FBXL2: variants seen among roughly 807,000 people sequenced by gnomAD.
FBXL2 encodes F-box and leucine rich repeat protein 2.
A neutral mutation model predicts 69.2 loss-of-function variants in FBXL2; 38 were observed. That is an observed-to-expected ratio of 0.55 (90% CI 0.42 to 0.72). The LOEUF is 0.72. Ranked by LOEUF, FBXL2 falls within the 30% of genes least tolerant of loss-of-function variation. The probability of loss-of-function intolerance (pLI) is 0.00; values close to 1 mark genes in which losing one functional copy is unlikely to be tolerated. For synonymous variants in FBXL2, 192 were observed against 201.3 expected, an observed-to-expected ratio of 0.95 and a Z score of 0.39; for missense variants, 354 against 520.3, an observed-to-expected ratio of 0.68 and a Z score of 3.11.
At chr3:33,329,978 T>C (rs1191658469) in intron 2 of FBXL2, among the ~76,000 whole-genome samples, 1 of 151,832 alleles carries the variant, frequency 6.6e-6, no homozygotes, top group Non-Finnish European at 1.5e-5. Flanking sequence ...CCCTGTTTTT[T>C]GTTTGTTTGT....
chr3:33,369,291 A>C (rs2042144339), intron 5 of FBXL2, among the ~76,000 whole-genome samples: 1 of 151,956 alleles, frequency 6.6e-6, no homozygotes, highest in South Asian at 2.1e-4. Flanking sequence ...ACCTCAAATG[A>C]TCTGCCCACC....
intron 5 of FBXL2, among the ~76,000 whole-genome samples, chr3:33,368,280 CTAA>C (rs1349502233): frequency 2.0e-5 from 3 of 152,176 alleles, no homozygotes; most frequent in Non-Finnish European, 4.4e-5. Flanking sequence ...AATTTATCAA[CTAA>C]TAAAAGGAGT....
At chr3:33,393,207 CAT>C in intron 12 of FBXL2, 1 of 1,175,726 alleles carries the variant, frequency 8.5e-7, no homozygotes, top group Admixed American at 3.0e-5. Context: ...AAATGATTCT[CAT>C]AAGTATTTTC....
chr3:33,298,906 G>C (rs914540619), intron 2 of FBXL2, among the ~76,000 whole-genome samples: 1 of 151,592 alleles, frequency 6.6e-6, no homozygotes, highest in Non-Finnish European at 1.5e-5. Context: ...AGTCCTATAG[G>C]GTTAACAAAA....
At chr3:33,381,632 A>C (rs2043070505) in intron 13 of FBXL2, among the ~76,000 whole-genome samples, 1 of 145,288 alleles carries the variant, frequency 6.9e-6, no homozygotes, top group South Asian at 2.2e-4. Context: ...CTCAAAAAAA[A>C]ATAAATAAAA....
chr3:33,410,505 G>A, the FBXL2 span, among the ~76,000 whole-genome samples: 1 of 152,102 alleles, frequency 6.6e-6, no homozygotes, highest in African/African-American at 2.4e-5. Context: ...GAATAATATT[G>A]GTAGAATACC....
chr3:33,373,964 T>C, intron 9 of FBXL2, 43 bp downstream of exon 9: 1 of 1,601,298 alleles, frequency 6.2e-7, no homozygotes, highest in Non-Finnish European at 8.6e-7. Context: ...CTCTATCTTG[T>C]CTCCCAAAGC....
chr3:33,301,337 A>G (rs1244930916), intron 2 of FBXL2, among the ~76,000 whole-genome samples: 1 of 152,040 alleles, frequency 6.6e-6, no homozygotes, highest in African/African-American at 2.4e-5. Flanking sequence ...AGTCCAGATC[A>G]TTTTCTCTTC....
At chr3:33,393,279 G>C (rs1480153899) in intron 12 of FBXL2, 1 of 1,573,714 alleles carries the variant, frequency 6.4e-7, no homozygotes, top group Non-Finnish European at 8.6e-7. Context: ...GTAAATACCA[G>C]TCTGAAAAGG....
At chr3:33,380,499 T>C (rs781389505) in intron 13 of FBXL2, among the ~76,000 whole-genome samples, 20 of 147,992 alleles carry the variant, frequency 1.4e-4, no homozygotes, top group Non-Finnish European at 2.5e-4. Flanking sequence ...GGGAGATTGC[T>C]GTGAGCTGAG....
At chr3:33,408,809 C>T in the FBXL2 span, 2 of 1,606,934 alleles carry the variant, frequency 1.2e-6, no homozygotes, top group Non-Finnish European at 8.5e-7. Context: ...TGGACAAACA[C>T]CAAAGATTGG....
At chr3:33,384,453 C>T (rs997405683) in intron 14 of FBXL2, among the ~76,000 whole-genome samples, 6 of 152,008 alleles carry the variant, frequency 3.9e-5, no homozygotes, top group African/African-American at 1.2e-4. Context: ...CCCAGCTACT[C>T]GGGAGGCTGA....
intron 1 of FBXL2, among the ~76,000 whole-genome samples, chr3:33,281,279 G>A (rs2033974405): frequency 6.6e-6 from 1 of 152,028 alleles, no homozygotes; most frequent in Non-Finnish European, 1.5e-5. Context: ...CCACCTATGA[G>A]TGAGAACATG....
Position 33,373,835 on chromosome 3 carries a change from C to G in FBXL2, c.583-12C>G, listed in dbSNP as rs1193226760. 1 of 1,614,180 alleles carries G rather than the reference C, an allele frequency of 6.2e-7. No homozygotes were observed. Among genetic ancestry groups the G allele is most frequent in the East Asian group, 2.2e-5 (1 of 44,894 alleles). On this transcript the variant is annotated splice_polypyrimidine_tract_variant and intron_variant, in intron 8 of 14. Coordinates refer to ENST00000484457, the MANE Select transcript of FBXL2 (RefSeq NM_012157.5). The stretch of plus-strand genomic sequence containing the variant: ...GGATTCCAGCTGTCTTTTGTTTTCT[C>G]TGTCCACTCAGTTAGAAGATGAAGC...
intron 14 of FBXL2, among the ~76,000 whole-genome samples, chr3:33,384,799 G>A (rs1412161497): frequency 6.6e-6 from 1 of 152,140 alleles, no homozygotes; most frequent in African/African-American, 2.4e-5. Flanking sequence ...CCAGCACTTT[G>A]GGAGGCCGAG....
At chr3:33,286,802 T>C (rs2034674464) in intron 1 of FBXL2, among the ~76,000 whole-genome samples, 1 of 152,200 alleles carries the variant, frequency 6.6e-6, no homozygotes. Context: ...GTGTTAGCAA[T>C]GAGTGAGGCT....
At chr3:33,346,939 C>T (rs138858444) in intron 2 of FBXL2, among the ~76,000 whole-genome samples, 94 of 152,196 alleles carry the variant, frequency 6.2e-4, no homozygotes, top group African/African-American at 2.1e-3. Flanking sequence ...TGGGGATATC[C>T]GTCCCTTCAA....
intron 2 of FBXL2, among the ~76,000 whole-genome samples, chr3:33,335,754 T>C (rs945022497): frequency 6.6e-6 from 1 of 152,104 alleles, no homozygotes; most frequent in Non-Finnish European, 1.5e-5. Context: ...GGGAAACAAA[T>C]AGCAAGATGT....
At chr3:33,364,269 C>T in intron 4 of FBXL2, 1 of 254,800 alleles carries the variant, frequency 3.9e-6, no homozygotes, top group Non-Finnish European at 7.6e-6. Flanking sequence ...GGTATTCCCA[C>T]AGCTAACCTC....
Sources: allele counts gnomAD v4.1 joint callset (sites outside exome capture counted in the v4.1 genomes callset), GRCh38; gene constraint gnomAD v4.1.1; transcripts MANE v1.5; gene names NCBI Gene and HGNC (gene_info 2026-07-23, HGNC 2026-07-21).